TENM3: variants seen among roughly 807,000 people sequenced by gnomAD.
TENM3 encodes the protein teneurin transmembrane protein 3, also known as teneurin-3.
In TENM3, 63 loss-of-function variants were observed where a neutral mutation model predicts 255.1. The observed-to-expected ratio is 0.25, with a 90% CI of 0.20 to 0.30. The LOEUF (loss-of-function observed/expected upper bound fraction) is 0.30. TENM3 is among the 10% of genes least tolerant of loss of function. TENM3 has a pLI of 1.00. For missense variants in TENM3, 2,929 were observed against 3,461.1 expected, an observed-to-expected ratio of 0.85 and a Z score of 3.86; for synonymous variants, 1,306 against 1,322.3, an observed-to-expected ratio of 0.99 and a Z score of 0.27.
the TENM3 span, among the ~76,000 whole-genome samples, chr4:181,543,265 T>A: frequency 6.6e-6 from 1 of 152,000 alleles, no homozygotes; most frequent in African/African-American, 2.4e-5. Context: ...GGATCTTTGG[T>A]CACCAGAATT....
intron 19 of TENM3, among the ~76,000 whole-genome samples, chr4:182,747,652 T>G (rs1384782879): frequency 6.6e-6 from 1 of 152,214 alleles, no homozygotes; most frequent in Non-Finnish European, 1.5e-5. Flanking sequence ...AAAGGGCACT[T>G]AAACATGTAG....
the TENM3 span, among the ~76,000 whole-genome samples, chr4:181,794,163 A>G: frequency 6.6e-6 from 1 of 150,958 alleles, no homozygotes; most frequent in East Asian, 1.9e-4. Flanking sequence ...TGACAGATAA[A>G]AATTACATAT....
At chr4:182,450,224 A>C (rs1294184655) in intron 3 of TENM3, among the ~76,000 whole-genome samples, 1 of 152,218 alleles carries the variant, frequency 6.6e-6, no homozygotes, top group African/African-American at 2.4e-5. Context: ...CTGGTTTTAA[A>C]TGTTTCAGAG....
At chr4:182,371,437 G>A (rs569081599) in intron 3 of TENM3, among the ~76,000 whole-genome samples, 2 of 152,108 alleles carry the variant, frequency 1.3e-5, no homozygotes, top group African/African-American at 4.8e-5. Context: ...GGGTAAATCT[G>A]TTCTGTGACC....
chr4:182,039,025 G>T, the TENM3 span, among the ~76,000 whole-genome samples: 2 of 151,986 alleles, frequency 1.3e-5, no homozygotes, highest in East Asian at 1.9e-4. Context: ...GAGCCCCTGC[G>T]CCCGGCCATA....
chr4:182,229,622 G>A (rs569844037), intron 1 of TENM3, among the ~76,000 whole-genome samples: 4 of 148,906 alleles, frequency 2.7e-5, no homozygotes, highest in African/African-American at 5.0e-5. Flanking sequence ...ATATATATGT[G>A]TATATATATA....
the TENM3 span, among the ~76,000 whole-genome samples, chr4:181,615,704 T>C: frequency 5.9e-3 from 901 of 152,294 alleles, 12 homozygotes; most frequent in African/African-American, 0.02. Flanking sequence ...TAAAATACAG[T>C]ATTAATTCTG....
At chr4:181,883,127 T>C in the TENM3 span, among the ~76,000 whole-genome samples, 35 of 52,138 alleles carry the variant, frequency 6.7e-4, 1 homozygote, top group Non-Finnish European at 1.2e-3. Flanking sequence ...GCAATTAATC[T>C]TTTTTTTTTT....
At chr4:182,404,587 C>T (rs1458829006) in intron 3 of TENM3, among the ~76,000 whole-genome samples, 1 of 152,200 alleles carries the variant, frequency 6.6e-6, no homozygotes, top group Non-Finnish European at 1.5e-5. Context: ...CATGTTGACA[C>T]ATTGTGTGTG....
At chr4:181,452,494 G>C in the TENM3 span, among the ~76,000 whole-genome samples, 3 of 152,146 alleles carry the variant, frequency 2.0e-5, no homozygotes, top group Non-Finnish European at 2.9e-5. Context: ...GTTGTGTAAG[G>C]AGCTCTTCTC....
chr4:182,557,690 C>G (rs1260734905), intron 3 of TENM3, among the ~76,000 whole-genome samples: 1 of 152,136 alleles, frequency 6.6e-6, no homozygotes. Flanking sequence ...ACCACACAGT[C>G]TCCCTTTCTG....
chr4:182,373,700 G>T (rs1377896038), intron 3 of TENM3, among the ~76,000 whole-genome samples: 1 of 152,048 alleles, frequency 6.6e-6, no homozygotes, highest in East Asian at 1.9e-4. Context: ...ATTTAAAGGG[G>T]ACAAATATCC....
intron 3 of TENM3, among the ~76,000 whole-genome samples, chr4:182,597,331 C>T (rs1747361820): frequency 6.6e-6 from 1 of 152,130 alleles, no homozygotes; most frequent in Non-Finnish European, 1.5e-5. Context: ...ATCACTTGAG[C>T]ATGGGAGGTA....
chr4:182,123,891 A>T, the TENM3 span, among the ~76,000 whole-genome samples: 1 of 152,212 alleles, frequency 6.6e-6, no homozygotes, highest in Non-Finnish European at 1.5e-5. Flanking sequence ...GAAGAGTGAC[A>T]GCGTGGGGGA....
chr4:182,616,525 A>T (rs559683691), intron 4 of TENM3, among the ~76,000 whole-genome samples: 3 of 148,190 alleles, frequency 2.0e-5, no homozygotes, highest in South Asian at 2.2e-4. Flanking sequence ...AGTATAATAA[A>T]AAAAAAAAAA....
chr4:182,574,323 T>C (rs1744708597), intron 3 of TENM3, among the ~76,000 whole-genome samples: 1 of 152,142 alleles, frequency 6.6e-6, no homozygotes, highest in Non-Finnish European at 1.5e-5. Context: ...TTCACTAATT[T>C]ATTCTCCTCT....
the TENM3 span, among the ~76,000 whole-genome samples, chr4:181,544,844 G>A: frequency 1.3e-5 from 2 of 152,204 alleles, no homozygotes. Context: ...AGACAGTGCT[G>A]TGAAAAACAG....
At chr4:181,786,857 G>A in the TENM3 span, among the ~76,000 whole-genome samples, 253 of 152,178 alleles carry the variant, frequency 1.7e-3, no homozygotes, top group Non-Finnish European at 3.0e-3. Flanking sequence ...TCAGTGTTTG[G>A]GGGTAGAGCT....
intron 1 of TENM3, among the ~76,000 whole-genome samples, chr4:182,156,739 T>C (rs1196020863): frequency 6.6e-6 from 1 of 151,600 alleles, no homozygotes; most frequent in Non-Finnish European, 1.5e-5. Flanking sequence ...TCTGCTCTGA[T>C]TTGAATGTAT....
Sources: gnomAD v4.1 joint callset for allele counts (sites outside exome capture counted in the v4.1 genomes callset) on GRCh38, gnomAD v4.1.1 for gene constraint, MANE v1.5 for transcripts, NCBI Gene and HGNC (gene_info 2026-07-23, HGNC 2026-07-21) for gene names.